IQGAP1: variants seen among roughly 807,000 people sequenced by gnomAD.
The protein encoded by IQGAP1 is ras GTPase-activating-like protein IQGAP1.
IQGAP1 carries 66 observed loss-of-function variants against 215.6 expected under a neutral mutation model. The ratio of observed to expected loss-of-function variants is 0.31; its 90% CI spans 0.25 to 0.38. The LOEUF (loss-of-function observed/expected upper bound fraction) is 0.38, where lower values mean the gene tolerates loss of function less well. Ranked by LOEUF, IQGAP1 falls within the 10% of genes least tolerant of loss-of-function variation. The pLI, the probability that IQGAP1 is intolerant of heterozygous loss-of-function variation, is 1.00. For missense variants in IQGAP1, 1,712 were observed against 1,997.1 expected (o/e 0.86, Z 2.72); for synonymous variants, 772 against 728.7 (o/e 1.06, Z -0.96).
intron 9 of IQGAP1, among the ~76,000 whole-genome samples, chr15:90,446,353 A>T (rs774332093): frequency 8.5e-5 from 13 of 152,220 alleles, no homozygotes; most frequent in Non-Finnish European, 1.9e-4. Flanking sequence ...AAATAATAAA[A>T]ATTCCCTCAA....
At chr15:90,414,725 T>A (rs1965019893) in intron 2 of IQGAP1, among the ~76,000 whole-genome samples, 1 of 152,184 alleles carries the variant, frequency 6.6e-6, no homozygotes, top group South Asian at 2.1e-4. Flanking sequence ...GCTTATCTAC[T>A]CTTGTGGTGC....
intron 4 of IQGAP1, among the ~76,000 whole-genome samples, chr15:90,432,810 C>G (rs1200403778): frequency 6.6e-6 from 1 of 152,110 alleles, no homozygotes; most frequent in African/African-American, 2.4e-5. Context: ...ATTATTCAGT[C>G]TTTTGCTTCT....
chr15:90,407,959 T>C (rs1964903636), intron 2 of IQGAP1, among the ~76,000 whole-genome samples: 1 of 152,196 alleles, frequency 6.6e-6, no homozygotes, highest in Admixed American at 6.5e-5. Context: ...CACAAGGCAA[T>C]ATGTAATTGC....
At position 90,490,096 on chromosome 15, in the gene IQGAP1, G is replaced by A. The variant is rs73485153; in HGVS notation, c.4249-1237G>A. On this transcript the variant is annotated intron_variant, in intron 33 of 37. Transcript: ENST00000268182. Reference sequence around the variant, plus strand: ...ACTATTGGGAAAGGGAATTGCTCCAGTTAGGGGGAATTACAAGTTTGAACT... The same window carrying A: ...ACTATTGGGAAAGGGAATTGCTCCAATTAGGGGGAATTACAAGTTTGAACT... 5.3e-3 allele frequency among the ~76,000 whole-genome samples: 807 copies of A among 152,294 alleles called. 11 individuals carry two copies. The highest frequency in any genetic ancestry group is 0.019 in the African/African-American group (791 of 41,544).
chr15:90,495,699 G>A (rs964351358), intron 36 of IQGAP1, among the ~76,000 whole-genome samples: 2 of 143,752 alleles, frequency 1.4e-5, no homozygotes, highest in Admixed American at 7.0e-5. Flanking sequence ...GTACAGTGGC[G>A]CGATCTCAGC....
At chr15:90,493,239 G>GAAA (rs4031436) in intron 35 of IQGAP1, among the ~76,000 whole-genome samples, 28,745 of 144,656 alleles carry the variant, frequency 0.2, 3,699 homozygotes, top group African/African-American at 0.37. Flanking sequence ...CAAGACTCTG[G>GAAA]AAAAAAAAAA....
intron 8 of IQGAP1, among the ~76,000 whole-genome samples, chr15:90,442,454 A>G (rs1040106435): frequency 1.1e-4 from 17 of 151,976 alleles, no homozygotes; most frequent in African/African-American, 3.6e-4. Flanking sequence ...CGGGGGGGAA[A>G]AAAAAAACTT....
chr15:90,476,888 T>A, intron 24 of IQGAP1, 70 bp downstream of exon 24: 2 of 1,517,524 alleles, frequency 1.3e-6, no homozygotes, highest in Non-Finnish European at 1.8e-6. Flanking sequence ...AGCCTTACCA[T>A]CGATCTCTCT....
intron 4 of IQGAP1, among the ~76,000 whole-genome samples, chr15:90,432,938 C>T (rs1336614211): frequency 6.6e-6 from 1 of 152,182 alleles, no homozygotes; most frequent in East Asian, 1.9e-4. Context: ...TACTCTGTTC[C>T]TATCCTACCT....
rs1433071315 is a variant in IQGAP1 at position 90,454,437 on chromosome 15, T to A, written c.1497T>A (p.Asp499Glu). 1.2e-6 allele frequency: 2 copies of A among 1,613,576 alleles called. No individual in the cohort carries two copies. The highest frequency in any genetic ancestry group is 2.7e-5 in the African/African-American group (2 of 74,902). Residue 499 changes from aspartate to glutamate, a missense_variant, in exon 14 of 38, where the codon GAT becomes GAA. Transcript: ENST00000268182. ...TGGGGGTCTGGGGCAGGTATCTCGA[T>A]GAGTTGATGAAACTGAAGGCTCAGG... is the stretch of plus-strand genomic sequence containing the variant. The part of the protein sequence containing the change: ...IEEENCQRYL[D>E]ELMKLKAQAH...
At chr15:90,408,532 C>G (rs560996169) in intron 2 of IQGAP1, among the ~76,000 whole-genome samples, 2 of 151,950 alleles carry the variant, frequency 1.3e-5, no homozygotes, top group South Asian at 2.1e-4. Context: ...AAGTTTGGAA[C>G]GAGAAGAGAT....
At chr15:90,411,481 C>T (rs558870404) in intron 2 of IQGAP1, among the ~76,000 whole-genome samples, 94 of 152,192 alleles carry the variant, frequency 6.2e-4, no homozygotes, top group African/African-American at 2.2e-3. Flanking sequence ...AGTTAACCCC[C>T]ACTCCCTTAT....
At position 90,487,352 on chromosome 15, in the gene IQGAP1, G is replaced by T. The variant is rs1229359318; in HGVS notation, c.4161-143G>T. On this transcript the variant is annotated intron_variant, in intron 32 of 37. Coordinates refer to ENST00000268182, the MANE Select transcript of IQGAP1 (RefSeq NM_003870.4). ...GAATGGCTGGGTAAATAAGCCTTGTGCCTTGAGTACTGTGTACTGGCAGCT... is the reference window on the plus strand; with the variant it reads ...GAATGGCTGGGTAAATAAGCCTTGTTCCTTGAGTACTGTGTACTGGCAGCT... The T allele has an allele frequency of 5.9e-6, 4 of 676,114 alleles. No homozygotes were observed. The East Asian group carries it at 1.1e-4, about 18-fold the overall frequency. 41.9% of individuals were successfully genotyped at this position (676,114 alleles called of 1,614,324 possible). A position where few individuals can be genotyped will look rare whatever the true frequency, so the allele number is the denominator to read the frequency against.
Position 90,491,533 on chromosome 15 carries a change from C to T in IQGAP1, c.4449C>T (p.Asn1483=), listed in dbSNP as rs768855824. 9 of 1,613,810 alleles carry T rather than the reference C, an allele frequency of 5.6e-6. No individual in the cohort carries two copies. The highest frequency in any genetic ancestry group is 4.0e-5 in the African/African-American group (3 of 74,928). Residue 1483 remains asparagine (N), a synonymous_variant, in exon 34 of 38, where the codon AAC becomes AAT. Transcript: ENST00000268182. ...DPKNKYQELI[N]DIARDIRNQR... ...AGAACAAATACCAGGAACTGATCAACGACATTGCCAGGGTACTGCATTCGG... is the reference window on the plus strand; with the variant it reads ...AGAACAAATACCAGGAACTGATCAATGACATTGCCAGGGTACTGCATTCGG...
At chr15:90,414,687 T>G (rs1965019314) in intron 2 of IQGAP1, among the ~76,000 whole-genome samples, 1 of 152,162 alleles carries the variant, frequency 6.6e-6, no homozygotes, top group Admixed American at 6.5e-5. Flanking sequence ...AGCTTTTACA[T>G]TTTTCTCCAC....
intron 2 of IQGAP1, among the ~76,000 whole-genome samples, chr15:90,403,659 A>G (rs1435062196): frequency 1.3e-5 from 2 of 152,092 alleles, no homozygotes; most frequent in African/African-American, 4.8e-5. Flanking sequence ...CACACTGTAC[A>G]TTTTGCTTTA....
chr15:90,497,434 C>A, intron 37 of IQGAP1, 94 bp downstream of exon 37: 1 of 689,070 alleles, frequency 1.5e-6, no homozygotes, highest in Non-Finnish European at 2.6e-6. Flanking sequence ...CTGAGGAAAG[C>A]TGTCTACATT....
chr15:90,408,075 C>T (rs1323051669), intron 2 of IQGAP1, among the ~76,000 whole-genome samples: 1 of 152,170 alleles, frequency 6.6e-6, no homozygotes, highest in African/African-American at 2.4e-5. Context: ...CAGGCGTTTC[C>T]CTTTCAAGGG....
chr15:90,428,755 C>G (rs867384483), intron 3 of IQGAP1, among the ~76,000 whole-genome samples: 1 of 151,788 alleles, frequency 6.6e-6, no homozygotes, highest in Non-Finnish European at 1.5e-5. Flanking sequence ...GCCGATTGTG[C>G]CAGTGCACTG....
Sources: gnomAD v4.1 joint callset for allele counts (sites outside exome capture counted in the v4.1 genomes callset) on GRCh38, gnomAD v4.1.1 for gene constraint, MANE v1.5 for transcripts, NCBI Gene and HGNC (gene_info 2026-07-23, HGNC 2026-07-21) for gene names.